TOP1MT: variants seen among roughly 807,000 people sequenced by gnomAD.
TOP1MT encodes the protein DNA topoisomerase I, mitochondrial.
A neutral mutation model predicts 73.9 loss-of-function variants in TOP1MT; 80 were observed. The ratio of observed to expected loss-of-function variants is 1.08; its 90% CI spans 0.90 to 1.30. TOP1MT has a LOEUF of 1.30. Among genes scored for constraint, TOP1MT ranks in the 50% most tolerant of loss-of-function variants. TOP1MT has a pLI of 0.00. For missense variants in TOP1MT, 815 were observed against 808.0 expected (o/e 1.01, Z -0.10); for synonymous variants, 338 against 326.4 (o/e 1.04, Z -0.38).
At chr8:143,348,996 C>T (rs1227279827), upstream of TOP1MT, among the ~76,000 whole-genome samples, 3 of 152,122 alleles carry the variant, frequency 2.0e-5, no homozygotes, top group Admixed American at 6.5e-5. This position sits in a 1 kb window ranked among gnomAD's most constrained non-coding sequence, Gnocchi z 4.6. Context: ...ACAGAATGCT[C>T]GTAGCTGGCT....
At chr8:143,359,406 T>C (rs1817465155), upstream of TOP1MT, 5 of 985,234 alleles carry the variant, frequency 5.1e-6, no homozygotes, top group Non-Finnish European at 6.0e-6. Context: ...GCCGTCACTC[T>C]GGGGCAGAAG....
chr8:143,324,669 T>C (rs766292693), intron 5 of TOP1MT, 40 bp from the exon 6 acceptor site: 8 of 1,598,202 alleles, frequency 5.0e-6, no homozygotes, highest in Admixed American at 3.5e-5. Flanking sequence ...TTGGAGACCT[T>C]ATTCTCTGGA....
intron 13 of TOP1MT, 23 bp from the exon 14 acceptor site, chr8:143,309,566 A>G: frequency 1.9e-6 from 3 of 1,612,092 alleles, no homozygotes; most frequent in Non-Finnish European, 2.5e-6. Context: ...GCATCAGCCC[A>G]GGCAAGCAGG....
Position 143,321,186 on chromosome 8 carries a change from C to T in TOP1MT, c.1146+15G>A, listed in dbSNP as rs371633631. On this transcript the variant is annotated intron_variant, in intron 8 of 13. Coordinates refer to ENST00000329245, the MANE Select transcript of TOP1MT (RefSeq NM_052963.3). ...CGTGTCACATAGCGGGGGCAGCTGG[C>T]GCGAGGGCACTCACCGGCTTCTCCA... 2.9e-5 allele frequency: 46 copies of T among 1,568,692 alleles called. 1 individual carries two copies. In the South Asian group the frequency reaches 5.2e-4, roughly 18 times the overall value.
rs1422132603 is a variant in TOP1MT at position 143,328,796 on chromosome 8, CAG to C, written c.360+552_360+553del. On this transcript the variant is annotated intron_variant, in intron 3 of 13. Coordinates refer to ENST00000329245, the MANE Select transcript of TOP1MT (RefSeq NM_052963.3). ...AGGAAGATGCTGCGGGACAAGCAGT[CAG>C]GGGCGAGCCTCGCAGGTGTGGGGCA... Among the ~76,000 whole-genome samples the C allele has an allele frequency of 2.0e-5, 3 of 152,230 alleles. No individual in the cohort carries two copies. The East Asian group carries it at 5.8e-4, about 29-fold the overall frequency.
At chr8:143,332,749 G>A (rs1307605944) in intron 1 of TOP1MT, 2 of 400,554 alleles carry the variant, frequency 5.0e-6, no homozygotes, top group Non-Finnish European at 4.7e-6. Context: ...CTTCCAGGGT[G>A]GAGCCGGGCG....
chr8:143,326,611 G>A (rs3829020), intron 3 of TOP1MT, among the ~76,000 whole-genome samples: 16,385 of 152,230 alleles, frequency 0.11, 958 homozygotes, highest in African/African-American at 0.13. Context: ...TTCACAACAA[G>A]TCAGTAGTAA....
At position 143,341,743 on chromosome 8, in the gene TOP1MT, G is replaced by C. The variant is rs912163297; in HGVS notation, c.29+1477C>G. ...AGGCCATACTGCCAGCGTCCACCCT[G>C]ACCCAGACACAAAACACCAGAAAGG... is the stretch of plus-strand genomic sequence containing the variant. On this transcript the variant is annotated intron_variant, in intron 2 of 5. Transcript: ENST00000518007. The surrounding 1 kb of genome is among the most constrained non-coding windows in gnomAD (Gnocchi z 4.1). Among the ~76,000 whole-genome samples the C allele has an allele frequency of 1.3e-5, 2 of 152,130 alleles. No individual in the cohort carries two copies. The highest frequency in any genetic ancestry group is 4.8e-5 in the African/African-American group (2 of 41,436).
chr8:143,323,552 G>A (rs1195878480), intron 7 of TOP1MT, among the ~76,000 whole-genome samples: 9 of 50,506 alleles, frequency 1.8e-4, no homozygotes, highest in African/African-American at 8.0e-4. Context: ...CACCACACAC[G>A]CACGCCACAC....
intron 7 of TOP1MT, among the ~76,000 whole-genome samples, chr8:143,323,151 C>T (rs62644308): frequency 0.26 from 27,464 of 105,832 alleles, 834 homozygotes; most frequent in East Asian, 0.46. Context: ...CACACAGGCA[C>T]GCCACACAGG....
At chr8:143,359,361 C>T (rs1308280825), upstream of TOP1MT, 4 of 985,308 alleles carry the variant, frequency 4.1e-6, no homozygotes, top group African/African-American at 3.5e-5. Flanking sequence ...AGGCCAACTC[C>T]GGGAAGAAAG....
intron 1 of TOP1MT, among the ~76,000 whole-genome samples, chr8:143,353,191 G>C (rs1475644885): frequency 6.6e-6 from 1 of 152,166 alleles, no homozygotes; most frequent in African/African-American, 2.4e-5. Context: ...AAAGTGGGAG[G>C]ATCACTTGAG....
At chr8:143,357,433 A>G (rs1311689529), upstream of TOP1MT, among the ~76,000 whole-genome samples, 2 of 152,010 alleles carry the variant, frequency 1.3e-5, no homozygotes, top group African/African-American at 4.8e-5. Context: ...TTCGAGAGTA[A>G]AAACAAAAAT....
chr8:143,315,843 A>G, intron 11 of TOP1MT, 22 bp from the exon 12 acceptor site: 1 of 1,611,932 alleles, frequency 6.2e-7, no homozygotes, highest in East Asian at 2.2e-5. Context: ...GGGTCCAGAC[A>G]GGGCTGCCCC....
Position 143,341,486 on chromosome 8 carries a change from C to G in TOP1MT, c.29+1734G>C, listed in dbSNP as rs2130403147. 6.6e-6 allele frequency among the ~76,000 whole-genome samples: 1 copy of G among 152,380 alleles called. No homozygotes were observed. Among genetic ancestry groups the G allele is most frequent in the East Asian group, 1.9e-4 (1 of 5,186 alleles). On this transcript the variant is annotated intron_variant, in intron 2 of 5. Coordinates refer to the TOP1MT transcript ENST00000518007. This position sits in a 1 kb window ranked among gnomAD's most constrained non-coding sequence, Gnocchi z 4.1. ...CACCATGAGAGGGGCCACAGGGCCA[C>G]AAACATACCCACCCGGAGACCCCAG...
In TOP1MT at chr8:143,331,206, C is replaced by G; in HGVS notation, c.238+18G>C. The G allele has an allele frequency of 6.3e-7, 1 of 1,578,378 alleles. No homozygotes were observed. The highest frequency in any genetic ancestry group is 8.7e-7 in the Non-Finnish European group (1 of 1,153,856). ...AACCAAGCGCAGGCTGGGGAGGAGC[C>G]GCTCCCTGCATCCTTACCTTCATAG... On this transcript the variant is annotated intron_variant, in intron 2 of 13. Transcript: ENST00000329245.
intron 2 of TOP1MT, among the ~76,000 whole-genome samples, chr8:143,329,711 G>A (rs766912204): frequency 4.6e-5 from 7 of 152,152 alleles, no homozygotes; most frequent in African/African-American, 1.2e-4. Context: ...GATTTCAGGC[G>A]CTACTGCTTT....
chr8:143,342,497 T>TCG (rs1817124927), intron 2 of TOP1MT, among the ~76,000 whole-genome samples: 1 of 138,868 alleles, frequency 7.2e-6, no homozygotes, highest in Non-Finnish European at 1.5e-5. Context: ...AGACAGAGTC[T>TCG]CGCTGTTATT....
rs368057294 is a variant in TOP1MT, at chr8:143,325,438, C to T, written c.579G>A (p.Pro193=). 2.5e-5 allele frequency: 41 copies of T among 1,613,586 alleles called. No homozygotes were observed. The Middle Eastern group carries it at 4.9e-4, about 19-fold the overall frequency. The change falls in exon 5 of 14, where the codon CCG becomes CCA. Residue 193 remains proline, a synonymous_variant. Transcript: ENST00000329245. The part of the protein sequence containing the change: ...QEKIGNFKIE[P]PGLFRGRGDH... ...CGCCACGGCCACGGAACAAGCCAGG[C>T]GGCTCAATCTTGAAGTTGCCTATTT...
Sources: gnomAD v4.1 joint callset for allele counts (sites outside exome capture counted in the v4.1 genomes callset) on GRCh38, gnomAD v4.1.1 for gene constraint, Gnocchi (gnomAD v3.1) non-coding constraint, MANE v1.5 for transcripts, NCBI Gene and HGNC (gene_info 2026-07-23, HGNC 2026-07-21) for gene names.